The following FRMD6 variants were observed in gnomAD, a reference collection of about 807,000 sequenced individuals.
The protein encoded by FRMD6 is FERM domain containing 6, also known as FERM domain-containing protein 6.
In FRMD6, 37 loss-of-function variants were observed where a neutral mutation model predicts 73.2. The observed-to-expected ratio is 0.51, with a 90% CI of 0.39 to 0.66. The LOEUF (loss-of-function observed/expected upper bound fraction) is 0.66. Ranked by LOEUF, FRMD6 falls within the 30% of genes least tolerant of loss-of-function variation. FRMD6 has a pLI of 0.00. For synonymous variants in FRMD6, 273 were observed against 282.2 expected (o/e 0.97, Z 0.33); for missense variants, 714 against 780.5 (o/e 0.91, Z 1.02).
Position 51,729,120 on chromosome 14 carries a change from C to T in FRMD6, c.*1091C>T, listed in dbSNP as rs1404296538. 1 of 152,090 alleles carries T rather than the reference C, an allele frequency of 6.6e-6. No individual in the cohort carries two copies. The highest frequency in any genetic ancestry group is 1.5e-5 in the Non-Finnish European group (1 of 68,024). The allele number at this position is 152,090 out of a possible 1,614,324, so 9.4% of individuals were successfully genotyped here. A position where few individuals can be genotyped will look rare whatever the true frequency, so the allele number is the denominator to read the frequency against. ...GACTGTTTTCTCATGTGCCTTTGGC[C>T]ATGATTCTCAACACTGATTGTATAA... On this transcript the variant is annotated 3_prime_UTR_variant, in exon 14 of 14. Coordinates refer to ENST00000344768, the MANE Select transcript of FRMD6 (RefSeq NM_001267046.2).
chr14:51,428,370 C>G, the FRMD6 span, among the ~76,000 whole-genome samples: 1 of 152,114 alleles, frequency 6.6e-6, no homozygotes, highest in Non-Finnish European at 1.5e-5. Flanking sequence ...TTCTGTGATT[C>G]CCGTTGTGCC....
chr14:51,624,134 T>A (rs768382475), intron 2 of FRMD6, among the ~76,000 whole-genome samples: 1 of 151,826 alleles, frequency 6.6e-6, no homozygotes, highest in Non-Finnish European at 1.5e-5. Flanking sequence ...AACAACACAC[T>A]GGGGCCTACC....
chr14:51,570,102 A>C (rs1317667414), intron 1 of FRMD6, among the ~76,000 whole-genome samples: 2 of 152,142 alleles, frequency 1.3e-5, no homozygotes, highest in Non-Finnish European at 2.9e-5. Flanking sequence ...GACGTGAGCC[A>C]CTGCGCCCGG....
chr14:51,692,522 C>T (rs1333996156), intron 2 of FRMD6, among the ~76,000 whole-genome samples: 1 of 151,830 alleles, frequency 6.6e-6, no homozygotes, highest in Admixed American at 6.6e-5. Flanking sequence ...TGTGGAACAA[C>T]ACCTTACCAC....
At chr14:51,580,148 G>GTGTA (rs1566481461) in intron 2 of FRMD6, among the ~76,000 whole-genome samples, 1 of 151,652 alleles carries the variant, frequency 6.6e-6, no homozygotes, top group Non-Finnish European at 1.5e-5. Flanking sequence ...GTGTGTGTGT[G>GTGTA]TATGTTTGTG....
intron 1 of FRMD6, among the ~76,000 whole-genome samples, chr14:51,531,081 A>G (rs770479638): frequency 6.6e-6 from 1 of 152,180 alleles, no homozygotes; most frequent in Non-Finnish European, 1.5e-5. Context: ...CCCTTTCATA[A>G]TAGGCATTAA....
At chr14:51,502,033 G>T in intron 1 of FRMD6, among the ~76,000 whole-genome samples, 1 of 152,144 alleles carries the variant, frequency 6.6e-6, no homozygotes, top group East Asian at 1.9e-4. Flanking sequence ...CTTTTCAGAA[G>T]TGTCTGTTCA....
At chr14:51,468,118 G>A in the FRMD6 span, among the ~76,000 whole-genome samples, 6 of 151,976 alleles carry the variant, frequency 3.9e-5, no homozygotes, top group African/African-American at 1.5e-4. Flanking sequence ...GCGAAACCCC[G>A]TCTCCACCAA....
At chr14:51,431,400 T>C in the FRMD6 span, among the ~76,000 whole-genome samples, 4 of 152,140 alleles carry the variant, frequency 2.6e-5, no homozygotes, top group Non-Finnish European at 5.9e-5. Flanking sequence ...CTATCTCTCC[T>C]AAAAAGACTC....
At chr14:51,534,416 T>C (rs1229474734) in intron 1 of FRMD6, among the ~76,000 whole-genome samples, 1 of 152,228 alleles carries the variant, frequency 6.6e-6, no homozygotes, top group African/African-American at 2.4e-5. Flanking sequence ...GATTTTTTTA[T>C]TGGACAAGGG....
At position 51,701,057 on chromosome 14, in the gene FRMD6, TA is replaced by T; in HGVS notation, c.194del (p.Asn65MetfsTer43). On this transcript the variant is annotated frameshift_variant and splice_region_variant, in exon 4 of 14. Coordinates refer to ENST00000344768, the MANE Select transcript of FRMD6 (RefSeq NM_001267046.2). LOFTEE classifies it high-confidence loss of function. ...HLFGLSVIQN[N>X]EHVYMELSQK... Reference sequence around the variant, plus strand: ...CGTCTCCTTTTTTTTAATGTACAGATAATGAACATGTGTATATGGAGTTGTC... The same window carrying T: ...CGTCTCCTTTTTTTTAATGTACAGATATGAACATGTGTATATGGAGTTGTC... 6.8e-7 allele frequency: 1 copy of T among 1,460,304 alleles called. No individual in the cohort carries two copies. Among genetic ancestry groups the T allele is most frequent in the Non-Finnish European group, 9.3e-7 (1 of 1,079,102 alleles). The allele number at this position is 1,460,304 out of a possible 1,614,324, so 90.5% of individuals were successfully genotyped here. A position where few individuals can be genotyped will look rare whatever the true frequency, so the allele number is the denominator to read the frequency against.
At chr14:51,726,723 C>T (rs745543437) in intron 13 of FRMD6, among the ~76,000 whole-genome samples, 2 of 152,162 alleles carry the variant, frequency 1.3e-5, no homozygotes, top group Non-Finnish European at 1.5e-5. Flanking sequence ...CTTTGTGTGC[C>T]TTCCTTGAGA....
intron 1 of FRMD6, among the ~76,000 whole-genome samples, chr14:51,493,501 C>T (rs889587683): frequency 1.3e-5 from 2 of 152,196 alleles, no homozygotes; most frequent in African/African-American, 2.4e-5. Flanking sequence ...TGCTCTCTCT[C>T]TTCCCTGCTG....
the FRMD6 span, among the ~76,000 whole-genome samples, chr14:51,479,581 G>A: frequency 1.1e-3 from 173 of 152,290 alleles, no homozygotes; most frequent in African/African-American, 3.9e-3. Context: ...TGCAAAACAG[G>A]AATAATAAAA....
chr14:51,685,444 A>C (rs1895086698), intron 1 of FRMD6, among the ~76,000 whole-genome samples: 2 of 152,166 alleles, frequency 1.3e-5, no homozygotes, highest in South Asian at 4.1e-4. Context: ...CTATTAGAGC[A>C]GGGTATTTTT....
chr14:51,609,017 ACCT>A (rs1890381539), intron 2 of FRMD6, among the ~76,000 whole-genome samples: 1 of 151,790 alleles, frequency 6.6e-6, no homozygotes, highest in Non-Finnish European at 1.5e-5. Flanking sequence ...TATCTTCCAA[ACCT>A]CCTACTAAAT....
intron 2 of FRMD6, among the ~76,000 whole-genome samples, chr14:51,627,664 A>C (rs1287693987): frequency 6.6e-6 from 1 of 152,368 alleles, no homozygotes; most frequent in Admixed American, 6.5e-5. Flanking sequence ...CTGATGCTTG[A>C]GAACAGAAGC....
At chr14:51,560,360 A>G (rs1887408386) in intron 1 of FRMD6, among the ~76,000 whole-genome samples, 1 of 152,242 alleles carries the variant, frequency 6.6e-6, no homozygotes, top group African/African-American at 2.4e-5. Flanking sequence ...GAGTAGTAAT[A>G]GTAATATTCA....
At chr14:51,701,684 T>G (rs866690129) in intron 4 of FRMD6, among the ~76,000 whole-genome samples, 6 of 150,588 alleles carry the variant, frequency 4.0e-5, no homozygotes, top group Middle Eastern at 7.0e-3. Flanking sequence ...TTATAGAAAA[T>G]AATAAATAGA....
Sources: gnomAD v4.1 joint callset for allele counts (sites outside exome capture counted in the v4.1 genomes callset) on GRCh38, gnomAD v4.1.1 for gene constraint, MANE v1.5 for transcripts, NCBI Gene and HGNC (gene_info 2026-07-23, HGNC 2026-07-21) for gene names.